ITPK1: variants seen among roughly 807,000 people sequenced by gnomAD.
ITPK1 encodes the protein inositol-tetrakisphosphate 1-kinase, also known as inositol 1,3,4-trisphosphate 5/6-kinase.
ITPK1 carries 21 observed loss-of-function variants against 45.3 expected under a neutral mutation model. The ratio of observed to expected loss-of-function variants is 0.46; its 90% CI spans 0.33 to 0.67. The LOEUF is 0.67. Ranked by LOEUF, ITPK1 falls within the 30% of genes least tolerant of loss-of-function variation. The pLI is 0.02. For synonymous variants in ITPK1, 258 were observed against 253.6 expected, an observed-to-expected ratio of 1.02 and a Z score of -0.16; for missense variants, 474 against 573.5, an observed-to-expected ratio of 0.83 and a Z score of 1.77.
At chr14:93,071,235 C>G (rs1325575654) in intron 3 of ITPK1, 1 of 153,244 alleles carries the variant, frequency 6.5e-6, no homozygotes, top group Non-Finnish European at 1.5e-5. Context: ...CCCAACAGAC[C>G]AGGTCTGCAG....
At chr14:93,028,222 T>C (rs1161912581) in intron 3 of ITPK1, among the ~76,000 whole-genome samples, 3 of 152,204 alleles carry the variant, frequency 2.0e-5, no homozygotes, top group Non-Finnish European at 4.4e-5. Context: ...CTAGACCCCA[T>C]TCATGTGGCT....
chr14:93,031,035 C>A (rs1359850468), intron 3 of ITPK1, among the ~76,000 whole-genome samples: 1 of 152,218 alleles, frequency 6.6e-6, no homozygotes, highest in African/African-American at 2.4e-5. Flanking sequence ...TCGGAAGGAG[C>A]CCCACTTGGG....
chr14:93,052,697 C>G (rs1314167268), intron 3 of ITPK1, among the ~76,000 whole-genome samples: 1 of 152,138 alleles, frequency 6.6e-6, no homozygotes, highest in Non-Finnish European at 1.5e-5. Flanking sequence ...AATACCTGCC[C>G]GCACCACCAC....
At chr14:92,947,379 G>A (rs568068770) in intron 9 of ITPK1, among the ~76,000 whole-genome samples, 9 of 152,302 alleles carry the variant, frequency 5.9e-5, no homozygotes, top group African/African-American at 1.7e-4. Flanking sequence ...TGTGCCTGTC[G>A]CAGCTGGCCT....
At chr14:93,033,835 G>C (rs149377188) in intron 3 of ITPK1, among the ~76,000 whole-genome samples, 6 of 152,102 alleles carry the variant, frequency 3.9e-5, no homozygotes, top group Admixed American at 1.3e-4. Flanking sequence ...GAGGGCTCTC[G>C]GGCAGCACAG....
chr14:92,951,970 C>T lies in ITPK1; in HGVS notation c.714G>A (p.Pro238=), dbSNP rs773216221. Residue 238 remains proline, a synonymous_variant, in exon 9 of 11, where the codon CCG becomes CCA. Transcript: ENST00000267615. ...IFFNSHNVSK[P]ESSSVLTELD... ...CCTCCGTCAGGACCGATGACGACTC[C>T]GGCTTTGACACGTTGTGGCTGTTGA... 3 of 1,580,436 alleles carry T rather than the reference C, an allele frequency of 1.9e-6. No individual in the cohort carries two copies. Among genetic ancestry groups the T allele is most frequent in the Admixed American group, 1.8e-5 (1 of 54,498 alleles).
intron 6 of ITPK1, 38 bp downstream of exon 6, chr14:92,962,713 C>T (rs2139742938): frequency 6.7e-7 from 1 of 1,485,594 alleles, no homozygotes; most frequent in South Asian, 1.1e-5. Context: ...CTGCGGTCTA[C>T]AGCGCCTGCC....
At chr14:93,037,290 C>A (rs1566749134) in intron 3 of ITPK1, among the ~76,000 whole-genome samples, 1 of 152,256 alleles carries the variant, frequency 6.6e-6, no homozygotes, top group Admixed American at 6.5e-5. Flanking sequence ...ACGTCAGATC[C>A]TGCCTGCATT....
chr14:92,973,691 T>C (rs750792532), intron 5 of ITPK1, among the ~76,000 whole-genome samples: 9 of 152,326 alleles, frequency 5.9e-5, no homozygotes, highest in Admixed American at 1.3e-4. Flanking sequence ...GCGATGACGA[T>C]GGCAGCCACC....
At chr14:92,951,374 T>G (rs113248202) in intron 9 of ITPK1, among the ~76,000 whole-genome samples, 1 of 152,272 alleles carries the variant, frequency 6.6e-6, no homozygotes, top group African/African-American at 2.4e-5. Context: ...AACAGCCTTG[T>G]GAACGTGCAA....
intron 4 of ITPK1, 151 bp from the exon 5 acceptor site, chr14:92,994,148 G>A (rs145405063): frequency 5.3e-5 from 32 of 603,412 alleles, no homozygotes; most frequent in African/African-American, 4.4e-4. Context: ...GGGACATTTC[G>A]AGCAGTCACC....
chr14:92,944,652 C>A (rs1422310966), intron 10 of ITPK1, among the ~76,000 whole-genome samples: 1 of 152,160 alleles, frequency 6.6e-6, no homozygotes. Context: ...TGACGTTGTC[C>A]CCTTTTCATT....
At chr14:92,966,084 C>T (rs1885340105) in intron 5 of ITPK1, among the ~76,000 whole-genome samples, 1 of 152,236 alleles carries the variant, frequency 6.6e-6, no homozygotes, top group Non-Finnish European at 1.5e-5. Flanking sequence ...GGCACGATCA[C>T]AGCTCACTGT....
At chr14:93,109,419 T>C (rs1242879338) in intron 2 of ITPK1, among the ~76,000 whole-genome samples, 1 of 152,352 alleles carries the variant, frequency 6.6e-6, no homozygotes, top group Non-Finnish European at 1.5e-5. Flanking sequence ...TGACGTTTCA[T>C]TGTATACTTT....
In ITPK1 at chr14:93,042,524, G is replaced by T. The variant is rs77251627; in HGVS notation, c.121-25723C>A. 3.0e-3 allele frequency among the ~76,000 whole-genome samples: 461 copies of T among 152,304 alleles called. 1 individual carries two copies. The highest frequency in any genetic ancestry group is 0.011 in the African/African-American group (442 of 41,544). On this transcript the variant is annotated intron_variant, in intron 3 of 10. Coordinates refer to ENST00000267615, the MANE Select transcript of ITPK1 (RefSeq NM_014216.6). ...TGATCGGATACCCCTAACAGCGACA[G>T]GGCTGGGAACTGGGACAAGGCAGAG...
chr14:92,984,346 G>A (rs1886387177), intron 5 of ITPK1, among the ~76,000 whole-genome samples: 1 of 152,214 alleles, frequency 6.6e-6, no homozygotes, highest in South Asian at 2.1e-4. Flanking sequence ...AAGCCTCAAA[G>A]AGAGGAGGGG....
chr14:92,988,150 C>G (rs1270430696), intron 5 of ITPK1, among the ~76,000 whole-genome samples: 1 of 152,232 alleles, frequency 6.6e-6, no homozygotes, highest in East Asian at 1.9e-4. Flanking sequence ...CCAAGCACCT[C>G]CCCTGAGAGA....
At chr14:93,078,588 T>C (rs1891319974) in intron 2 of ITPK1, among the ~76,000 whole-genome samples, 1 of 152,046 alleles carries the variant, frequency 6.6e-6, no homozygotes, top group Non-Finnish European at 1.5e-5. Context: ...GTGGCCAATA[T>C]CCATCTGCTT....
intron 2 of ITPK1, among the ~76,000 whole-genome samples, chr14:93,094,705 C>A (rs1013403395): frequency 3.3e-5 from 5 of 152,236 alleles, no homozygotes; most frequent in African/African-American, 1.2e-4. Context: ...GAGCATGTGT[C>A]CACACCTGGC....
Sources: gnomAD v4.1 joint callset for allele counts (sites outside exome capture counted in the v4.1 genomes callset) on GRCh38, gnomAD v4.1.1 for gene constraint, MANE v1.5 for transcripts, NCBI Gene and HGNC (gene_info 2026-07-23, HGNC 2026-07-21) for gene names.